Variants in TTC23 observed in about 807,000 individuals in gnomAD.
TTC23 encodes tetratricopeptide repeat domain 23.
TTC23 carries 58 observed loss-of-function variants against 55.1 expected under a neutral mutation model. The observed-to-expected ratio is 1.05, with a 90% CI of 0.85 to 1.31. The LOEUF (loss-of-function observed/expected upper bound fraction) is 1.31. TTC23 is among the 50% of genes most tolerant of loss of function. The pLI, the probability that TTC23 is intolerant of heterozygous loss-of-function variation, is 0.00. For synonymous variants in TTC23, 203 were observed against 199.9 expected (o/e 1.02, Z -0.13); for missense variants, 516 against 534.4 (o/e 0.97, Z 0.34).
chr15:99,222,340 T>C (rs1385481207), intron 5 of TTC23, among the ~76,000 whole-genome samples: 2 of 152,086 alleles, frequency 1.3e-5, no homozygotes, highest in Non-Finnish European at 2.9e-5. Context: ...AATGGCACGA[T>C]ATCAGCTCAC....
intron 8 of TTC23, among the ~76,000 whole-genome samples, chr15:99,206,923 T>C (rs2076676036): frequency 6.6e-6 from 1 of 152,186 alleles, no homozygotes; most frequent in African/African-American, 2.4e-5. Flanking sequence ...TTCTACTTTT[T>C]GGAGGTAAGC....
intron 10 of TTC23, among the ~76,000 whole-genome samples, chr15:99,171,475 CT>C (rs2151921572): frequency 6.6e-6 from 1 of 151,764 alleles, no homozygotes; most frequent in Non-Finnish European, 1.5e-5. Flanking sequence ...GTACCAGCAC[CT>C]GTATACAAGA....
chr15:99,218,897 C>T lies in TTC23; in HGVS notation c.455+1G>A. On this transcript the variant is annotated splice_donor_variant, in intron 7 of 13. Transcript: ENST00000394132. LOFTEE classifies it high-confidence loss of function. The stretch of plus-strand genomic sequence containing the variant: ...TGTAAAAGTTAGAGGCAAAAGGATA[C>T]TTTTGAAGGGAGAGTAAAGCTCTGC... 1 of 1,611,760 alleles carries T rather than the reference C, an allele frequency of 6.2e-7. No individual in the cohort carries two copies. The highest frequency in any genetic ancestry group is 8.5e-7 in the Non-Finnish European group (1 of 1,178,852).
At chr15:99,216,854 C>T (rs1383632017) in intron 8 of TTC23, among the ~76,000 whole-genome samples, 1 of 152,120 alleles carries the variant, frequency 6.6e-6, no homozygotes, top group Non-Finnish European at 1.5e-5. Context: ...GAATATAAAC[C>T]TCAGAAAAGC....
intron 9 of TTC23, among the ~76,000 whole-genome samples, chr15:99,187,265 T>TA (rs1049362672): frequency 6.6e-6 from 1 of 151,472 alleles, no homozygotes; most frequent in Non-Finnish European, 1.5e-5. Flanking sequence ...TATGCCCCTC[T>TA]ACCCCGCCAA....
intron 4 of TTC23, among the ~76,000 whole-genome samples, chr15:99,229,948 G>C (rs532195813): frequency 7.5e-4 from 114 of 152,304 alleles, no homozygotes; most frequent in African/African-American, 2.5e-3. Context: ...AATTGCACTA[G>C]AGGATAATAC....
At chr15:99,205,479 G>A (rs1011306870) in intron 8 of TTC23, among the ~76,000 whole-genome samples, 1 of 151,464 alleles carries the variant, frequency 6.6e-6, no homozygotes, top group African/African-American at 2.4e-5. Context: ...ATGTTTTATA[G>A]TTTTCATTGT....
At chr15:99,182,244 T>A (rs373297603) in intron 9 of TTC23, among the ~76,000 whole-genome samples, 13 of 102,232 alleles carry the variant, frequency 1.3e-4, no homozygotes, top group Non-Finnish European at 2.1e-4. Context: ...TCTCTCTCTC[T>A]CTCTCACACA....
rs66568931 is a variant in TTC23 at position 99,187,452 on chromosome 15, C to CAAAAAA, written c.760-12303_760-12298dup. Among the ~76,000 whole-genome samples, 143 of 44,370 alleles carry CAAAAAA rather than the reference C, an allele frequency of 3.2e-3. 6 individuals carry two copies. The highest frequency in any genetic ancestry group is 7.9e-3 in the African/African-American group (80 of 10,154). The allele number at this position is 44,370 out of a possible 152,430, so 29.1% of individuals were successfully genotyped here. ...GGAGATGTGATGCCAAAAGCACAAG[C>CAAAAAA]AAAAAAAAAAAAAAAACAAAACAAA... On this transcript the variant is annotated intron_variant, in intron 9 of 13. Transcript: ENST00000394132.
chr15:99,193,227 G>C (rs995357358), intron 9 of TTC23, among the ~76,000 whole-genome samples: 1 of 152,174 alleles, frequency 6.6e-6, no homozygotes, highest in East Asian at 1.9e-4. Flanking sequence ...CTGTTGGGAA[G>C]GCATGATTGG....
intron 8 of TTC23, among the ~76,000 whole-genome samples, chr15:99,208,526 C>A (rs1413680474): frequency 2.0e-5 from 3 of 151,944 alleles, no homozygotes; most frequent in Non-Finnish European, 4.4e-5. Context: ...GAATACAACA[C>A]GCAATTGCAC....
At chr15:99,150,594 T>G (rs916435616) in intron 12 of TTC23, among the ~76,000 whole-genome samples, 2 of 152,222 alleles carry the variant, frequency 1.3e-5, no homozygotes, top group African/African-American at 4.8e-5. Flanking sequence ...TTCTATATAG[T>G]TCTACTAACA....
intron 10 of TTC23, among the ~76,000 whole-genome samples, chr15:99,173,463 G>A (rs1156346848): frequency 1.3e-5 from 2 of 152,154 alleles, no homozygotes; most frequent in Non-Finnish European, 2.9e-5. Context: ...GTGTGTGCCT[G>A]TAGTCCCACC....
chr15:99,138,836 G>A (rs1018112791), intron 13 of TTC23, among the ~76,000 whole-genome samples: 2 of 152,228 alleles, frequency 1.3e-5, no homozygotes, highest in East Asian at 3.9e-4. Context: ...AGGCAGCCCT[G>A]GGGCTGCTCT....
chr15:99,212,638 G>A (rs1166142805), intron 8 of TTC23, among the ~76,000 whole-genome samples: 2 of 152,154 alleles, frequency 1.3e-5, no homozygotes, highest in African/African-American at 2.4e-5. Context: ...GCACTGGGCT[G>A]TTGCGATGGG....
Position 99,219,045 on chromosome 15 carries a change from A to G in TTC23, c.308T>C (p.Leu103Pro). 1 of 1,614,052 alleles carries G rather than the reference A, an allele frequency of 6.2e-7. No homozygotes were observed. The highest frequency in any genetic ancestry group is 8.5e-7 in the Non-Finnish European group (1 of 1,179,958). Residue 103 changes from leucine to proline, a missense_variant, in exon 7 of 14, where the codon CTG (leucine) becomes CCG (proline). Physicochemically the swap from Leu to Pro is moderately conservative, Grantham distance 98 (BLOSUM62 -3). Coordinates refer to ENST00000394132, the MANE Select transcript of TTC23 (RefSeq NM_001288615.3). The stretch of plus-strand genomic sequence containing the variant: ...TGCATGTTGTTTTGCTTGCAGTGAC[A>G]GTCCTGTGGACAAAGAAAAAGAGGT... ...LAQGYLQLKG[L>P]SLQAKQHAEK...
intron 12 of TTC23, 33 bp from the exon 13 acceptor site, chr15:99,139,432 T>C (rs1567302027): frequency 4.3e-6 from 7 of 1,613,928 alleles, no homozygotes; most frequent in East Asian, 2.2e-5. Flanking sequence ...CATGAGGCTA[T>C]GGAAGTGTCG....
At chr15:99,172,458 C>G (rs530494276) in intron 10 of TTC23, among the ~76,000 whole-genome samples, 1 of 152,316 alleles carries the variant, frequency 6.6e-6, no homozygotes, top group East Asian at 1.9e-4. Context: ...TCCTGTGTCC[C>G]TTGTCTGCCC....
At chr15:99,222,353 T>C (rs923317725) in intron 5 of TTC23, among the ~76,000 whole-genome samples, 1 of 152,118 alleles carries the variant, frequency 6.6e-6, no homozygotes, top group East Asian at 1.9e-4. Context: ...CAGCTCACTG[T>C]AGCCTCGACC....
Sources: allele counts gnomAD v4.1 joint callset (sites outside exome capture counted in the v4.1 genomes callset), GRCh38; gene constraint gnomAD v4.1.1; transcripts MANE v1.5; gene names NCBI Gene and HGNC (gene_info 2026-07-23, HGNC 2026-07-21).